COA6: variants seen among roughly 807,000 people sequenced by gnomAD.
The protein encoded by COA6 is cytochrome c oxidase assembly factor 6 homolog.
COA6 carries 12 observed loss-of-function variants against 17.1 expected under a neutral mutation model. The observed-to-expected ratio is 0.70, with a 90% CI of 0.45 to 1.14. The LOEUF (loss-of-function observed/expected upper bound fraction) is 1.14, where lower values mean the gene tolerates loss of function less well. Among genes scored for constraint, COA6 ranks in the 50% most tolerant of loss-of-function variants. The pLI is 0.00. For synonymous variants in COA6, 90 were observed against 73.4 expected (o/e 1.23, Z -1.16); for missense variants, 246 against 196.5 (o/e 1.25, Z -1.51).
chr1:234,374,507 C>G (rs574877074), intron 2 of COA6, 118 bp downstream of exon 2: 1 of 1,053,616 alleles, frequency 9.5e-7, no homozygotes, highest in East Asian at 2.5e-5. Context: ...TTCTTTGAGG[C>G]GCAGAGAAAA....
In COA6 at chr1:234,374,120, T is replaced by TGC. The variant is rs1401226636; in HGVS notation, c.213-110_213-109insGC. 1.8e-4 allele frequency: 197 copies of TGC among 1,096,294 alleles called. 2 individuals carry two copies. The African/African-American group carries it at 3.1e-3, about 17-fold the overall frequency. 67.9% of individuals were successfully genotyped at this position (1,096,294 alleles called of 1,614,324 possible). On this transcript the variant is annotated intron_variant, in intron 1 of 2. Transcript: ENST00000366615. ...GGTTTTGTTTTGTTTTTGTTTTTTT[T>TGC]TTTTTTTTTAGTTTTAAAGGAAGAG...
In COA6 at chr1:234,384,052, TTTG is replaced by T; in HGVS notation, c.*237_*239del. 1 of 344,070 alleles carries T rather than the reference TTTG, an allele frequency of 2.9e-6. No individual in the cohort carries two copies. Among genetic ancestry groups the T allele is most frequent in the South Asian group, 8.9e-5 (1 of 11,250 alleles). The allele number at this position is 344,070 out of a possible 1,614,324, so 21.3% of individuals were successfully genotyped here. A position where few individuals can be genotyped will look rare whatever the true frequency, so the allele number is the denominator to read the frequency against. On this transcript the variant is annotated 3_prime_UTR_variant, in exon 3 of 3. Coordinates refer to ENST00000366615, the MANE Select transcript of COA6 (RefSeq NM_001206641.3). Reference sequence around the variant, plus strand: ...AAAACCTGTTATAAACACATGCACTTTTGTTTTGTTTTTGTTTTGTTTTTAATT... The same window carrying T: ...AAAACCTGTTATAAACACATGCACTTTTTTGTTTTTGTTTTGTTTTTAATT...
intron 1 of COA6, 112 bp from the exon 2 acceptor site, chr1:234,374,118 T>TTTTTG: frequency 7.0e-6 from 7 of 992,982 alleles, no homozygotes; most frequent in Non-Finnish European, 9.6e-6. Flanking sequence ...TTTTGTTTTT[T>TTTTTG]TTTTTTTTTT....
At chr1:234,376,727 T>G (rs1658805074) in intron 2 of COA6, among the ~76,000 whole-genome samples, 1 of 152,216 alleles carries the variant, frequency 6.6e-6, no homozygotes, top group South Asian at 2.1e-4. Flanking sequence ...CTTGGGTCTC[T>G]TTACGGTTCT....
intron 2 of COA6, among the ~76,000 whole-genome samples, chr1:234,377,130 T>TTTTTTTTTTTG: frequency 2.5e-5 from 1 of 39,996 alleles, no homozygotes; most frequent in Non-Finnish European, 4.5e-5. Flanking sequence ...TTTTTTTGTT[T>TTTTTTTTTTTG]TTTTTGTTGT....
At chr1:234,377,073 A>ACCC (rs1558124877) in intron 2 of COA6, among the ~76,000 whole-genome samples, 5 of 98,022 alleles carry the variant, frequency 5.1e-5, no homozygotes, top group Non-Finnish European at 1.1e-4. Context: ...AGAGAGAGAG[A>ACCC]GAGAGAGAGA....
intron 2 of COA6, among the ~76,000 whole-genome samples, chr1:234,377,059 CGAGAGAGAGAGAG>C (rs1287463228): frequency 6.1e-5 from 5 of 82,640 alleles, no homozygotes; most frequent in Non-Finnish European, 1.2e-4. Context: ...GCTGTGTTGC[CGAGAGAGAGAGAG>C]AGAGAGAGAG....
intron 2 of COA6, among the ~76,000 whole-genome samples, chr1:234,374,714 A>G (rs1341229072): frequency 2.6e-5 from 4 of 152,234 alleles, no homozygotes; most frequent in African/African-American, 9.6e-5. Context: ...AGGAGTTGGC[A>G]AAATTATTGA....
rs751057084 is a variant in COA6, at chr1:234,373,552, T to A, written c.86T>A (p.Leu29His). Reference protein sequence around the residue: ...LRLGRSTLLELEPAGRPCSGR... With the variant: ...LRLGRSTLLEHEPAGRPCSGR... ...CTGGGGAGGTCTACGCTTCTAGAGC[T>A]TGAGCCAGCGGGGCGACCCTGCAGT... is the stretch of plus-strand genomic sequence containing the variant. Residue 29 changes from leucine to histidine, a missense_variant, in exon 1 of 3, where the codon CTT becomes CAT. Transcript: ENST00000366615. 6.2e-7 allele frequency: 1 copy of A among 1,611,824 alleles called. No individual in the cohort carries two copies. Among genetic ancestry groups the A allele is most frequent in the East Asian group, 2.2e-5 (1 of 44,878 alleles).
In COA6 at chr1:234,383,896, T is replaced by C; in HGVS notation, c.*78T>C. ...GACTATGGAACAGTAATAGTTTGAA[T>C]CATAGTGAACATCAATACTTGTTCC... On this transcript the variant is annotated 3_prime_UTR_variant, in exon 3 of 3. Transcript: ENST00000366615. The C allele has an allele frequency of 2.8e-6, 2 of 720,472 alleles. No individual in the cohort carries two copies. Among genetic ancestry groups the C allele is most frequent in the Non-Finnish European group, 4.8e-6 (2 of 413,902 alleles). 44.6% of individuals were successfully genotyped at this position (720,472 alleles called of 1,614,324 possible).
chr1:234,375,601 C>T (rs1208115416), intron 2 of COA6, among the ~76,000 whole-genome samples: 2 of 152,072 alleles, frequency 1.3e-5, no homozygotes, highest in Admixed American at 6.5e-5. Context: ...AGGGAGGGGT[C>T]GTATTGGTGG....
chr1:234,374,509 C>A, intron 2 of COA6, 120 bp downstream of exon 2: 1 of 1,008,930 alleles, frequency 9.9e-7, no homozygotes, highest in Non-Finnish European at 1.5e-6. Context: ...CTTTGAGGCG[C>A]AGAGAAAACC....
intron 2 of COA6, among the ~76,000 whole-genome samples, chr1:234,375,816 G>C (rs908522718): frequency 6.6e-6 from 1 of 152,070 alleles, no homozygotes; most frequent in African/African-American, 2.4e-5. Flanking sequence ...ACCATGCCTG[G>C]CTAATTTTTA....
In COA6 at chr1:234,377,059, CGAGAGAGAG is replaced by C. The variant is rs1372892761; in HGVS notation, c.372+2671_372+2679del. 2.2e-3 allele frequency among the ~76,000 whole-genome samples: 185 copies of C among 82,638 alleles called. 10 individuals are homozygous for C. Among genetic ancestry groups the C allele is most frequent in the African/African-American group, 0.011 (177 of 16,680 alleles). The allele number at this position is 82,638 out of a possible 152,430, so 54.2% of individuals were successfully genotyped here. ...GACAGCTACCTTCTTGCTGTGTTGC[CGAGAGAGAG>C]AGAGAGAGAGAGAGAGAGAGAGAGA... On this transcript the variant is annotated intron_variant, in intron 2 of 2. Coordinates refer to ENST00000366615, the MANE Select transcript of COA6 (RefSeq NM_001206641.3).
chr1:234,377,811 G>C (rs1258045891), intron 2 of COA6, among the ~76,000 whole-genome samples: 2 of 152,240 alleles, frequency 1.3e-5, no homozygotes, highest in African/African-American at 4.8e-5. Flanking sequence ...GCATGGGTCT[G>C]CAGAGGGAAT....
At chr1:234,374,172 A>G (rs1406654206) in intron 1 of COA6, 58 bp from the exon 2 acceptor site, 3 of 1,431,536 alleles carry the variant, frequency 2.1e-6, no homozygotes, top group Non-Finnish European at 2.8e-6. Context: ...CTCTTTCCTT[A>G]TCTTCTCTTC....
rs1234460692 is a variant in COA6, at chr1:234,384,014, TAAG to T, written c.*199_*201del. ...GGTATTTAGTAAGAAATCTCTATTT[TAAG>T]AAAAAAAGTAAAACCTGTTATAAAC... On this transcript the variant is annotated 3_prime_UTR_variant, in exon 3 of 3. Transcript: ENST00000366615. 15 of 433,140 alleles carry T rather than the reference TAAG, an allele frequency of 3.5e-5. No homozygotes were observed. Among genetic ancestry groups the T allele is most frequent in the Non-Finnish European group, 5.9e-5 (14 of 237,988 alleles). 26.8% of individuals were successfully genotyped at this position (433,140 alleles called of 1,614,324 possible). A position where few individuals can be genotyped will look rare whatever the true frequency, so the allele number is the denominator to read the frequency against.
chr1:234,379,573 A>T (rs1370030964), intron 2 of COA6, among the ~76,000 whole-genome samples: 2 of 152,130 alleles, frequency 1.3e-5, no homozygotes, highest in African/African-American at 2.4e-5. Flanking sequence ...GTTGGAAAAA[A>T]TGATGGTGTA....
chr1:234,380,911 A>T (rs1658955232), intron 2 of COA6, among the ~76,000 whole-genome samples: 1 of 152,176 alleles, frequency 6.6e-6, no homozygotes, highest in African/African-American at 2.4e-5. Context: ...GAGTCAGGAG[A>T]ATCACTGGAA....
Sources: allele counts gnomAD v4.1 joint callset (sites outside exome capture counted in the v4.1 genomes callset), GRCh38; gene constraint gnomAD v4.1.1; transcripts MANE v1.5; gene names NCBI Gene and HGNC (gene_info 2026-07-23, HGNC 2026-07-21).